Variants in USP33 observed in about 807,000 individuals in gnomAD.
The protein encoded by USP33 is ubiquitin carboxyl-terminal hydrolase 33.
Under a neutral mutation model 124.2 loss-of-function variants are expected in USP33, and 46 were observed. The observed-to-expected ratio is 0.37, with a 90% CI of 0.29 to 0.47. The LOEUF (loss-of-function observed/expected upper bound fraction) is 0.47. USP33 is among the 20% of genes least tolerant of loss of function. The pLI, the probability that USP33 is intolerant of heterozygous loss-of-function variation, is 0.99. For synonymous variants in USP33, 350 were observed against 352.3 expected (o/e 0.99, Z 0.07); for missense variants, 851 against 1,070.6 (o/e 0.79, Z 2.86).
chr1:77,713,052 A>G lies in USP33; in HGVS notation c.2297+148T>C, dbSNP rs537388288. On this transcript the variant is annotated intron_variant, in intron 20 of 23. Coordinates refer to ENST00000370794, the MANE Select transcript of USP33 (RefSeq NM_201624.3). The stretch of plus-strand genomic sequence containing the variant: ...ATCTAGACTATGCCACAGTAGCTAC[A>G]AAGTCTTCCTACTCACACTTTAGAA... The G allele has an allele frequency of 1.3e-5, 8 of 610,610 alleles. No individual in the cohort carries two copies. In the Admixed American group the frequency reaches 2.2e-4, roughly 17 times the overall value. 37.8% of individuals were successfully genotyped at this position (610,610 alleles called of 1,614,324 possible).
intron 21 of USP33, chr1:77,711,528 TACACACACAC>T (rs66475824): frequency 2.0e-4 from 70 of 352,064 alleles, no homozygotes; most frequent in Non-Finnish European, 2.6e-4. Context: ...TTTTGTCTCA[TACACACACAC>T]ACACACACAC....
At position 77,737,634 on chromosome 1, in the gene USP33, G is replaced by A. The variant is rs1206173987; in HGVS notation, c.352-1476C>T. On this transcript the variant is annotated intron_variant, in intron 5 of 23. Transcript: ENST00000370794. ...TCAACAATGGGATCATAAGGAAGTT[G>A]AATGAAATTAAGTTTATGCCTTTTA... Among the ~76,000 whole-genome samples the A allele has an allele frequency of 2.6e-5, 4 of 152,200 alleles. No individual in the cohort carries two copies. The East Asian group carries it at 7.7e-4, about 29-fold the overall frequency.
Position 77,728,276 on chromosome 1 carries a change from C to T in USP33, c.1135+19G>A. ...AATGAAATACTATCATTTTCATGAA[C>T]AAACTACTAAATTGTCACCTGAAGC... On this transcript the variant is annotated intron_variant, in intron 10 of 23. Coordinates refer to ENST00000370794, the MANE Select transcript of USP33 (RefSeq NM_201624.3). 6.5e-7 allele frequency: 1 copy of T among 1,543,752 alleles called. No homozygotes were observed. Among genetic ancestry groups the T allele is most frequent in the Non-Finnish European group, 8.7e-7 (1 of 1,150,654 alleles).
intron 1 of USP33, among the ~76,000 whole-genome samples, chr1:77,748,785 C>T (rs56406553): frequency 1.8e-5 from 2 of 110,970 alleles, no homozygotes; most frequent in African/African-American, 3.5e-5. Flanking sequence ...TCCCTCCCCC[C>T]CCCCCCCGTG....
intron 21 of USP33, among the ~76,000 whole-genome samples, chr1:77,711,003 C>G (rs974243649): frequency 6.6e-6 from 1 of 152,040 alleles, no homozygotes; most frequent in African/African-American, 2.4e-5. Context: ...TTAAGGGACA[C>G]CTCATAATAT....
intron 17 of USP33, 143 bp downstream of exon 17, chr1:77,717,723 TG>T: frequency 1.8e-6 from 1 of 547,930 alleles, no homozygotes; most frequent in Non-Finnish European, 2.9e-6. Flanking sequence ...CTGCCCAAGC[TG>T]GTCTCAAACT....
At chr1:77,732,471 C>A (rs2101489113) in intron 7 of USP33, among the ~76,000 whole-genome samples, 1 of 152,312 alleles carries the variant, frequency 6.6e-6, no homozygotes, top group South Asian at 2.1e-4. Context: ...TCACTGTCCA[C>A]ATAGCAACCA....
At chr1:77,747,337 C>T (rs764845740) in intron 1 of USP33, among the ~76,000 whole-genome samples, 10 of 150,918 alleles carry the variant, frequency 6.6e-5, no homozygotes, top group Non-Finnish European at 1.2e-4. Flanking sequence ...TCACTGCAAC[C>T]TCCAACTCAT....
rs763808812 is a variant in USP33 at position 77,739,295 on chromosome 1, T to C, written c.321A>G (p.Gln107=). Residue 107 remains glutamine, a synonymous_variant, in exon 5 of 24, where the codon CAA becomes CAG. Coordinates refer to ENST00000370794, the MANE Select transcript of USP33 (RefSeq NM_201624.3). The part of the protein sequence containing the change: ...GTQPSLPHVR[Q]PHQIQENSVQ... ...CACTGTTTTCTTGTATTTGGTGAGG[T>C]TGTCTTACATGAGGCAATGAAGGCT... is the stretch of plus-strand genomic sequence containing the variant. 3.2e-5 allele frequency: 52 copies of C among 1,613,648 alleles called. No individual in the cohort carries two copies. The highest frequency in any genetic ancestry group is 4.2e-5 in the Non-Finnish European group (50 of 1,179,892).
At chr1:77,707,068 A>C (rs1019242941) in intron 21 of USP33, among the ~76,000 whole-genome samples, 3 of 152,220 alleles carry the variant, frequency 2.0e-5, no homozygotes, top group African/African-American at 7.2e-5. Context: ...CCAGTTATAA[A>C]GGGTAAATAA....
chr1:77,755,232 A>C (rs768512732), intron 1 of USP33, among the ~76,000 whole-genome samples: 4 of 152,240 alleles, frequency 2.6e-5, no homozygotes, highest in Non-Finnish European at 5.9e-5. Flanking sequence ...TTGTGAGCAA[A>C]AAGAAAAAAG....
chr1:77,753,919 C>T (rs536479812), intron 1 of USP33, among the ~76,000 whole-genome samples: 4 of 151,930 alleles, frequency 2.6e-5, no homozygotes, highest in East Asian at 1.9e-4. Context: ...TCAACCATTA[C>T]GAACTGAAAG....
chr1:77,723,532 T>A (rs564690108), intron 11 of USP33, 89 bp from the exon 12 acceptor site: 1 of 815,548 alleles, frequency 1.2e-6, no homozygotes, highest in Non-Finnish European at 1.9e-6. Context: ...ATCTTACTTG[T>A]ATATGATCTC....
chr1:77,714,559 G>T, intron 19 of USP33, 55 bp downstream of exon 19: 1 of 1,555,912 alleles, frequency 6.4e-7, no homozygotes, highest in East Asian at 2.3e-5. Context: ...CTCCTAATTT[G>T]CAAATTATTT....
chr1:77,742,303 G>C (rs1415825613), intron 1 of USP33, among the ~76,000 whole-genome samples: 2 of 152,034 alleles, frequency 1.3e-5, no homozygotes, highest in Admixed American at 1.3e-4. Flanking sequence ...TTGACACTTA[G>C]GGCCAGATAA....
rs1009650310 is a variant in USP33 at position 77,736,078 on chromosome 1, T to C, written c.432A>G (p.Glu144=). ...VFDDLDIEAD[E]EDELRARGLT... ...TACCTCTGGCCCTAAGTTCATCTTC[T>C]TCATCCGCTTCTATATCCAGATCAT... is the stretch of plus-strand genomic sequence containing the variant. The change falls in exon 6 of 24, where the codon GAA becomes GAG. Residue 144 remains glutamate (E), a synonymous_variant. Coordinates refer to ENST00000370794, the MANE Select transcript of USP33 (RefSeq NM_201624.3). The C allele has an allele frequency of 1.2e-6, 2 of 1,612,238 alleles. No individual in the cohort carries two copies. The highest frequency in any genetic ancestry group is 1.7e-6 in the Non-Finnish European group (2 of 1,179,074).
In USP33 at chr1:77,741,598, G is replaced by GA. The variant is rs1679124196; in HGVS notation, c.81+18dup. ...GAAAAGTGAATAGTTTTTCAAGGAA[G>GA]AAAAAACCTGTTTCTTACAAGGGAT... On this transcript the variant is annotated intron_variant, in intron 2 of 23. Transcript: ENST00000370794. 8.3e-6 allele frequency: 13 copies of GA among 1,570,178 alleles called. 1 individual carries two copies. The highest frequency in any genetic ancestry group is 2.4e-5 in the South Asian group (2 of 82,784).
At chr1:77,723,292 A>G (rs772723046) in intron 12 of USP33, 39 bp downstream of exon 12, 3 of 1,424,746 alleles carry the variant, frequency 2.1e-6, no homozygotes, top group Non-Finnish European at 2.9e-6. Context: ...AAATCATTTG[A>G]CACGAATTTT....
At position 77,697,888 on chromosome 1, in the gene USP33, T is replaced by G. The variant is rs1673572496; in HGVS notation, c.2553A>C (p.Lys851Asn). ...CTTGCCTAAGCATCACATTACCACA[T>G]TTAGTGACTGCAATCTTAGTATTGT... ...PIDNTKIAVTKCGNVMLRQGA... is the reference protein window; with the variant it reads ...PIDNTKIAVTNCGNVMLRQGA... The change falls in exon 23 of 24, where the codon AAA (lysine) becomes AAC (asparagine). Residue 851 changes from lysine to asparagine, a missense_variant. By Grantham distance (94) the Lys-to-Asn change is moderately conservative (BLOSUM62 0). Transcript: ENST00000370794. 1 of 1,611,254 alleles carries G rather than the reference T, an allele frequency of 6.2e-7. No homozygotes were observed. The highest frequency in any genetic ancestry group is 8.5e-7 in the Non-Finnish European group (1 of 1,179,308).
Sources: gnomAD v4.1 joint callset for allele counts (sites outside exome capture counted in the v4.1 genomes callset) on GRCh38, gnomAD v4.1.1 for gene constraint, MANE v1.5 for transcripts, NCBI Gene and HGNC (gene_info 2026-07-23, HGNC 2026-07-21) for gene names.